Variants in SSH1 observed in about 807,000 individuals in gnomAD.
SSH1 encodes slingshot protein phosphatase 1.
A neutral mutation model predicts 79.7 loss-of-function variants in SSH1; 43 were observed. The ratio of observed to expected loss-of-function variants is 0.54; its 90% CI spans 0.42 to 0.70. The LOEUF is 0.70. Ranked by LOEUF, SSH1 falls within the 30% of genes least tolerant of loss-of-function variation. SSH1 has a pLI of 0.00. For missense variants in SSH1, 1,206 were observed against 1,358.8 expected (o/e 0.89, Z 1.77); for synonymous variants, 599 against 538.3 (o/e 1.11, Z -1.56).
intron 14 of SSH1, 110 bp downstream of exon 14, chr12:108,792,176 T>C (rs1251946238): frequency 1.3e-6 from 2 of 1,567,120 alleles, no homozygotes; most frequent in African/African-American, 2.7e-5. Context: ...AAAAATCAGC[T>C]GGGTGTGGTG....
intron 13 of SSH1, among the ~76,000 whole-genome samples, chr12:108,796,429 T>C (rs1307903082): frequency 6.6e-6 from 1 of 152,244 alleles, no homozygotes; most frequent in Non-Finnish European, 1.5e-5. Flanking sequence ...AAGTATTTCA[T>C]ATGCATGGAA....
intron 2 of SSH1, among the ~76,000 whole-genome samples, chr12:108,827,894 T>C (rs1244779184): frequency 6.6e-6 from 1 of 152,196 alleles, no homozygotes; most frequent in Non-Finnish European, 1.5e-5. Context: ...CTAACAGCTA[T>C]CTGAGGGGAC....
intron 5 of SSH1, among the ~76,000 whole-genome samples, chr12:108,816,312 CAGG>C (rs1257872654): frequency 2.0e-5 from 3 of 152,212 alleles, no homozygotes; most frequent in Non-Finnish European, 4.4e-5. Context: ...GCCTCATACA[CAGG>C]AGAATGCAAA....
At chr12:108,819,914 A>G (rs1257507348) in intron 3 of SSH1, among the ~76,000 whole-genome samples, 3 of 152,210 alleles carry the variant, frequency 2.0e-5, no homozygotes, top group Non-Finnish European at 2.9e-5. Context: ...TTGCAAAAGC[A>G]TCTTTTTCAT....
At chr12:108,803,725 T>C (rs962118899) in intron 10 of SSH1, among the ~76,000 whole-genome samples, 2 of 152,220 alleles carry the variant, frequency 1.3e-5, no homozygotes, top group African/African-American at 2.4e-5. Context: ...GGAAGGTGCC[T>C]TCTGTTCCCT....
At chr12:108,821,277 C>T (rs2038108465) in intron 3 of SSH1, among the ~76,000 whole-genome samples, 1 of 151,804 alleles carries the variant, frequency 6.6e-6, no homozygotes, top group Non-Finnish European at 1.5e-5. Flanking sequence ...ATCTATGGTC[C>T]CAGCTACTCA....
At chr12:108,821,528 T>C (rs192903520) in intron 3 of SSH1, among the ~76,000 whole-genome samples, 17 of 152,272 alleles carry the variant, frequency 1.1e-4, no homozygotes, top group East Asian at 1.9e-4. Flanking sequence ...GGTAGGTATG[T>C]TACACGCATA....
intron 1 of SSH1, among the ~76,000 whole-genome samples, chr12:108,856,152 T>C (rs2039139122): frequency 6.6e-6 from 1 of 152,214 alleles, no homozygotes; most frequent in Admixed American, 6.5e-5. Flanking sequence ...TAAACACAGC[T>C]AAGGGTCTGC....
At position 108,835,448 on chromosome 12, in the gene SSH1, AAAAC is replaced by A. The variant is rs777665953; in HGVS notation, c.111-12091_111-12088del. On this transcript the variant is annotated intron_variant, in intron 2 of 14. Transcript: ENST00000326495. ...TTAAAAAAACAAAAAAACAGAAAAC[AAAAC>A]AAACAAACACTGAGGCTCAGGGAGG... is the stretch of plus-strand genomic sequence containing the variant. Among the ~76,000 whole-genome samples, 228 of 152,232 alleles carry A rather than the reference AAAAC, an allele frequency of 1.5e-3. 1 individual carries two copies. Among genetic ancestry groups the A allele is most frequent in the Non-Finnish European group, 2.2e-3 (147 of 68,014 alleles).
Position 108,807,644 on chromosome 12 carries a change from T to C in SSH1, c.720A>G (p.Leu240=). 1.2e-6 allele frequency: 2 copies of C among 1,612,388 alleles called. No homozygotes were observed. The highest frequency in any genetic ancestry group is 2.2e-5 in the East Asian group (1 of 44,736). Reference sequence around the variant, plus strand: ...GGCACCTCACTTACTTGTCCACAAATAGCGCGGGGGAGTCGGGCCGCGTAG... The same window carrying C: ...GGCACCTCACTTACTTGTCCACAAACAGCGCGGGGGAGTCGGGCCGCGTAG... The part of the protein sequence containing the change: ...LESTRPDSPA[L]FVDKPTEGER... The change falls in exon 8 of 15, where the codon CTA becomes CTG. Residue 240 remains leucine (L), a synonymous_variant. Coordinates refer to ENST00000326495, the MANE Select transcript of SSH1 (RefSeq NM_018984.4). The surrounding 1 kb of genome is among the most constrained non-coding windows in gnomAD (Gnocchi z 5.2).
rs2036135755 is a variant in SSH1, at chr12:108,780,579, C to G, written c.*7409G>C. On this transcript the variant is annotated 3_prime_UTR_variant, in exon 15 of 15. Coordinates refer to ENST00000326495, the MANE Select transcript of SSH1 (RefSeq NM_018984.4). ...ATTCCCAGGGAATCTCAGAAACATA[C>G]AGATTGCTGGGGCCCATCCCACCCC... is the stretch of plus-strand genomic sequence containing the variant. 6.6e-6 allele frequency: 1 copy of G among 152,200 alleles called. No individual in the cohort carries two copies. Among genetic ancestry groups the G allele is most frequent in the Non-Finnish European group, 1.5e-5 (1 of 68,046 alleles). 9.4% of individuals were successfully genotyped at this position (152,200 alleles called of 1,614,324 possible). A position where few individuals can be genotyped will look rare whatever the true frequency, so the allele number is the denominator to read the frequency against.
chr12:108,804,912 G>A lies in SSH1; in HGVS notation c.954+144C>T, dbSNP rs575887810. 5.2e-6 allele frequency: 5 copies of A among 952,704 alleles called. No homozygotes were observed. In the African/African-American group the frequency reaches 6.5e-5, roughly 12 times the overall value. 59.0% of individuals were successfully genotyped at this position (952,704 alleles called of 1,614,324 possible). On this transcript the variant is annotated intron_variant, in intron 10 of 14. Transcript: ENST00000326495. ...GCAGGCCAGAGAAGGGGCCAAAGAG[G>A]GGAGCTCCTGCCAGCCAGGATGGAG...
intron 2 of SSH1, among the ~76,000 whole-genome samples, chr12:108,849,401 A>T (rs547371320): frequency 6.6e-6 from 1 of 152,142 alleles, no homozygotes; most frequent in East Asian, 1.9e-4. Context: ...AAACACATTT[A>T]AAAAAATTAG....
intron 2 of SSH1, 100 bp downstream of exon 2, chr12:108,852,538 G>A (rs1593138736): frequency 2.7e-6 from 4 of 1,486,964 alleles, no homozygotes; most frequent in East Asian, 4.5e-5. Context: ...CCCAAAATTG[G>A]CATATTCTTT....
intron 2 of SSH1, among the ~76,000 whole-genome samples, chr12:108,836,378 C>A (rs78707393): frequency 0.022 from 3,355 of 152,228 alleles, 134 homozygotes; most frequent in African/African-American, 0.077. Flanking sequence ...ATTTCATTTT[C>A]CACTAAAAGG....
chr12:108,797,667 G>A (rs1288271417), intron 13 of SSH1, among the ~76,000 whole-genome samples: 1 of 152,182 alleles, frequency 6.6e-6, no homozygotes, highest in East Asian at 1.9e-4. Context: ...AGAAGATGGA[G>A]GCTGGACGAG....
chr12:108,843,863 C>G (rs2038835574), intron 2 of SSH1, among the ~76,000 whole-genome samples: 1 of 152,134 alleles, frequency 6.6e-6, no homozygotes, highest in Admixed American at 6.6e-5. Flanking sequence ...AAGGGGCTCT[C>G]CCATGTTCAT....
At chr12:108,803,691 G>A (rs1039884578) in intron 10 of SSH1, among the ~76,000 whole-genome samples, 1 of 152,184 alleles carries the variant, frequency 6.6e-6, no homozygotes, top group Non-Finnish European at 1.5e-5. Flanking sequence ...CTCTTGCTGT[G>A]ACTGCCACCT....
intron 2 of SSH1, among the ~76,000 whole-genome samples, chr12:108,835,453 A>G (rs944444748): frequency 2.0e-5 from 3 of 151,646 alleles, no homozygotes; most frequent in African/African-American, 7.2e-5. Context: ...AAAACAAAAC[A>G]AACAAACACT....
Sources: allele counts gnomAD v4.1 joint callset (sites outside exome capture counted in the v4.1 genomes callset), GRCh38; gene constraint gnomAD v4.1.1; non-coding constraint Gnocchi (gnomAD v3.1); transcripts MANE v1.5; gene names NCBI Gene and HGNC (gene_info 2026-07-23, HGNC 2026-07-21).